MSR1: variants seen among roughly 807,000 people sequenced by gnomAD.
MSR1 encodes the protein macrophage scavenger receptor 1, also known as macrophage scavenger receptor types I and II.
Under a neutral mutation model 47.2 loss-of-function variants are expected in MSR1, and 53 were observed. That is an observed-to-expected ratio of 1.12 (90% CI 0.90 to 1.41). The LOEUF (loss-of-function observed/expected upper bound fraction) is 1.41. Among genes scored for constraint, MSR1 ranks in the 40% most tolerant of loss-of-function variants. The probability of loss-of-function intolerance (pLI) is 0.00; values close to 1 mark genes in which losing one functional copy is unlikely to be tolerated. For missense variants in MSR1, 786 were observed against 546.9 expected, an observed-to-expected ratio of 1.44 and a Z score of -4.36; for synonymous variants, 239 against 185.6, an observed-to-expected ratio of 1.29 and a Z score of -2.34.
chr8:16,178,055 A>T, intron 1 of MSR1, 63 bp from the exon 2 acceptor site: 1 of 1,306,122 alleles, frequency 7.7e-7, no homozygotes, highest in Non-Finnish European at 1.1e-6. Context: ...CTTTTGCATA[A>T]TGTTTTAAAC....
chr8:16,190,724 T>C (rs1802174279), intron 1 of MSR1, among the ~76,000 whole-genome samples: 5 of 116,898 alleles, frequency 4.3e-5, no homozygotes. Context: ...TTTTTCTTTC[T>C]TTCTTTTTGT....
At position 16,168,646 on chromosome 8, in the gene MSR1, T is replaced by A. The variant is rs766597020; in HGVS notation, c.442A>T (p.Thr148Ser). The change falls in exon 4 of 10, where the codon ACT becomes TCT. Residue 148 changes from threonine (T) to serine (S), a missense_variant. By Grantham distance (58) the Thr-to-Ser change is moderately conservative. Coordinates refer to ENST00000262101, the MANE Select transcript of MSR1 (RefSeq NM_138715.3). ...TEHFQNFSMTTDQRFNDILLQ... is the reference protein window; with the variant it reads ...TEHFQNFSMTSDQRFNDILLQ... ...AGAATGTCATTAAATCTTTGATCAG[T>A]TGTCATGCTGAAATTTTGGAAATGC... is the stretch of plus-strand genomic sequence containing the variant. 3.7e-6 allele frequency: 6 copies of A among 1,614,146 alleles called. No individual in the cohort carries two copies. In the South Asian group the frequency reaches 6.6e-5, roughly 18 times the overall value.
At chr8:16,137,432 TTCTC>T (rs137898381) in intron 8 of MSR1, among the ~76,000 whole-genome samples, 9,830 of 152,054 alleles carry the variant, frequency 0.065, 369 homozygotes, top group South Asian at 0.11. Context: ...TTTTCTGCCT[TTCTC>T]TCTCTCTATC....
intron 4 of MSR1, among the ~76,000 whole-genome samples, chr8:16,165,689 C>G (rs1030210250): frequency 1.3e-5 from 2 of 152,118 alleles, no homozygotes; most frequent in East Asian, 3.8e-4. Context: ...ATTACACTCT[C>G]TTGAGCTGGA....
intron 1 of MSR1, among the ~76,000 whole-genome samples, chr8:16,190,016 G>A (rs113499256): frequency 0.045 from 6,595 of 147,570 alleles, 513 homozygotes; most frequent in African/African-American, 0.16. Flanking sequence ...CTGGGTTCAC[G>A]TGATTCTCCT....
intron 5 of MSR1, among the ~76,000 whole-genome samples, chr8:16,160,635 T>C (rs1801135079): frequency 6.6e-6 from 1 of 151,236 alleles, no homozygotes; most frequent in Non-Finnish European, 1.5e-5. Context: ...GATGGGGGAG[T>C]TTAGAATAAG....
intron 7 of MSR1, among the ~76,000 whole-genome samples, chr8:16,146,481 T>C (rs1310184039): frequency 6.6e-6 from 1 of 152,044 alleles, no homozygotes; most frequent in Non-Finnish European, 1.5e-5. Context: ...CTCCAACCCT[T>C]ATCAACCATT....
In MSR1 at chr8:16,177,892, G is replaced by C; in HGVS notation, c.97C>G (p.Pro33Ala). The change falls in exon 2 of 10, where the codon CCT becomes GCT. Residue 33 changes from proline to alanine, a missense_variant. By Grantham distance (27) the Pro-to-Ala change is conservative. Coordinates refer to ENST00000262101, the MANE Select transcript of MSR1 (RefSeq NM_138715.3). The part of the protein sequence containing the change: ...FDARSMTALL[P>A]PNPKNSPSLQ... ...CCCATCCCCCTCTACTTACTCGGAG[G>C]AAGCAAAGCTGTCATTGAGCGAGCA... is the stretch of plus-strand genomic sequence containing the variant. 1 of 1,613,660 alleles carries C rather than the reference G, an allele frequency of 6.2e-7. No homozygotes were observed. The highest frequency in any genetic ancestry group is 1.1e-5 in the South Asian group (1 of 91,064).
chr8:16,189,628 T>C (rs770902602), intron 1 of MSR1, among the ~76,000 whole-genome samples: 1 of 36,674 alleles, frequency 2.7e-5, no homozygotes, highest in Non-Finnish European at 3.9e-5. Context: ...ATATATATTT[T>C]ATATATATAT....
Position 16,107,914 on chromosome 8 carries a change from A to T in MSR1, c.*2171T>A, listed in dbSNP as rs1178266963. On this transcript the variant is annotated 3_prime_UTR_variant, in exon 10 of 10. Transcript: ENST00000262101. ...TGTTTTTTTTAATGGAACAAATGCA[A>T]TTCAACATTCCAAAGTAAATTAAGT... The T allele has an allele frequency of 6.6e-6, 1 of 151,980 alleles. No individual in the cohort carries two copies. The highest frequency in any genetic ancestry group is 1.5e-5 in the Non-Finnish European group (1 of 67,936). The allele number at this position is 151,980 out of a possible 1,614,324, so 9.4% of individuals were successfully genotyped here. A position where few individuals can be genotyped will look rare whatever the true frequency, so the allele number is the denominator to read the frequency against.
chr8:16,175,524 T>C (rs527516684), intron 2 of MSR1, among the ~76,000 whole-genome samples: 1 of 152,302 alleles, frequency 6.6e-6, no homozygotes, highest in East Asian at 1.9e-4. Flanking sequence ...TCACTAAACA[T>C]CTACAAGAAA....
intron 6 of MSR1, among the ~76,000 whole-genome samples, chr8:16,150,863 C>CACAG (rs1000204796): frequency 2.6e-5 from 4 of 151,200 alleles, no homozygotes; most frequent in African/African-American, 9.7e-5. Flanking sequence ...CACACACACA[C>CACAG]ACACACACAC....
chr8:16,179,264 T>A (rs1801753329), intron 1 of MSR1, among the ~76,000 whole-genome samples: 1 of 152,168 alleles, frequency 6.6e-6, no homozygotes, highest in South Asian at 2.1e-4. Context: ...CTTACAAAAG[T>A]CAATTTTCCC....
chr8:16,120,648 C>G, intron 8 of MSR1, 42 bp from the exon 9 acceptor site: 1 of 1,502,582 alleles, frequency 6.7e-7, no homozygotes. Flanking sequence ...AAAAGGCAAG[C>G]AAGGACTAAT....
intron 6 of MSR1, among the ~76,000 whole-genome samples, chr8:16,154,491 C>T (rs35620223): frequency 0.012 from 1,818 of 152,066 alleles, 38 homozygotes; most frequent in African/African-American, 0.041. Context: ...CAGAGAGTGA[C>T]TGTCAGCAAG....
At position 16,186,102 on chromosome 8, in the gene MSR1, A is replaced by G. The variant is rs76914530; in HGVS notation, c.-5+6496T>C. ...ATAAAACCTTGCAAGATTGGCAGTAATAAATGTATAAAAATGAAAGTCCCT... is the reference window on the plus strand; with the variant it reads ...ATAAAACCTTGCAAGATTGGCAGTAGTAAATGTATAAAAATGAAAGTCCCT... On this transcript the variant is annotated intron_variant, in intron 1 of 9. Transcript: ENST00000262101. 691 of 1,382,898 alleles carry G rather than the reference A, an allele frequency of 5.0e-4. 5 individuals are homozygous for G. In the East Asian group the frequency reaches 0.016, roughly 31 times the overall value. 85.7% of individuals were successfully genotyped at this position (1,382,898 alleles called of 1,614,324 possible).
intron 8 of MSR1, among the ~76,000 whole-genome samples, chr8:16,121,741 A>G: frequency 6.6e-6 from 1 of 152,038 alleles, no homozygotes; most frequent in East Asian, 1.9e-4. Context: ...ATGTTATATT[A>G]TAAAAAAGAT....
At chr8:16,186,390 C>A in intron 1 of MSR1, 1 of 559,186 alleles carries the variant, frequency 1.8e-6, no homozygotes. Context: ...GTCTTTATCT[C>A]TTGCCCATAG....
intron 6 of MSR1, among the ~76,000 whole-genome samples, chr8:16,151,049 A>G (rs1277872880): frequency 6.6e-6 from 1 of 152,158 alleles, no homozygotes; most frequent in African/African-American, 2.4e-5. Context: ...CCAGTGAAAT[A>G]AAATATTTTA....
Sources: allele counts gnomAD v4.1 joint callset (sites outside exome capture counted in the v4.1 genomes callset), GRCh38; gene constraint gnomAD v4.1.1; transcripts MANE v1.5; gene names NCBI Gene and HGNC (gene_info 2026-07-23, HGNC 2026-07-21).